Variants in PTPRN2 observed in about 807,000 individuals in gnomAD.
PTPRN2 encodes protein tyrosine phosphatase receptor type N2.
A neutral mutation model predicts 118.8 loss-of-function variants in PTPRN2; 74 were observed. That is an observed-to-expected ratio of 0.62 (90% confidence interval 0.52 to 0.76). The LOEUF (loss-of-function observed/expected upper bound fraction) is 0.76. Ranked by LOEUF, PTPRN2 falls within the 30% of genes least tolerant of loss-of-function variation. The pLI, the probability that PTPRN2 is intolerant of heterozygous loss-of-function variation, is 0.00. For missense variants in PTPRN2, 1,481 were observed against 1,394.4 expected (o/e 1.06, Z -0.99); for synonymous variants, 641 against 608.0 (o/e 1.05, Z -0.80).
At chr7:157,543,354 C>T (rs945626433) in intron 22 of PTPRN2, among the ~76,000 whole-genome samples, 6 of 152,260 alleles carry the variant, frequency 3.9e-5, no homozygotes, top group East Asian at 3.8e-4. Flanking sequence ...GAACTGCACC[C>T]GGTGGAGAAG....
intron 2 of PTPRN2, among the ~76,000 whole-genome samples, chr7:158,426,013 A>T (rs867331104): frequency 0.017 from 251 of 14,804 alleles, 1 homozygote; most frequent in East Asian, 0.033. Flanking sequence ...AAAGACGCAG[A>T]GTCCGAGACC....
At chr7:157,997,629 G>T (rs962283778) in intron 11 of PTPRN2, among the ~76,000 whole-genome samples, 1 of 151,850 alleles carries the variant, frequency 6.6e-6, no homozygotes, top group East Asian at 2.0e-4. Flanking sequence ...AGATAAACGT[G>T]GGGGGAGGCA....
In PTPRN2 at chr7:157,739,853, T is replaced by C. The variant is rs546269690; in HGVS notation, c.1789-56916A>G. Among the ~76,000 whole-genome samples the C allele has an allele frequency of 2.4e-4, 37 of 152,342 alleles. No homozygotes were observed. The South Asian group carries it at 7.7e-3, about 32-fold the overall frequency. Reference sequence around the variant, plus strand: ...GTGACCGCAAGGAGGCCTGAGCTCCTGGGCCGCTCATTCCACCCCCTCTGC... The same window carrying C: ...GTGACCGCAAGGAGGCCTGAGCTCCCGGGCCGCTCATTCCACCCCCTCTGC... On this transcript the variant is annotated intron_variant, in intron 12 of 22. Transcript: ENST00000389418.
intron 11 of PTPRN2, among the ~76,000 whole-genome samples, chr7:157,938,934 A>C (rs1487887620): frequency 6.6e-6 from 1 of 152,156 alleles, no homozygotes; most frequent in Non-Finnish European, 1.5e-5. Flanking sequence ...CTTTGGGAGC[A>C]TCAGAGCAAA....
chr7:157,998,080 G>C lies in PTPRN2; in HGVS notation c.1723+83218C>G, dbSNP rs556926421. On this transcript the variant is annotated intron_variant, in intron 11 of 22. Transcript: ENST00000389418. ...AGGAGTGCAGGGTGGGGGGAGAGGAGTGCAGGGGAGAGGAGTACAGGGCGA... is the reference window on the plus strand; with the variant it reads ...AGGAGTGCAGGGTGGGGGGAGAGGACTGCAGGGGAGAGGAGTACAGGGCGA... Among the ~76,000 whole-genome samples, 91 of 127,670 alleles carry C rather than the reference G, an allele frequency of 7.1e-4. 1 individual carries two copies. Among genetic ancestry groups the C allele is most frequent in the African/African-American group, 2.7e-3 (85 of 31,748 alleles). The allele number at this position is 127,670 out of a possible 152,430, so 83.8% of individuals were successfully genotyped here.
intron 6 of PTPRN2, among the ~76,000 whole-genome samples, chr7:158,154,005 A>C (rs1469836793): frequency 1.3e-5 from 2 of 152,182 alleles, no homozygotes; most frequent in Non-Finnish European, 2.9e-5. Context: ...TGTAGGAACC[A>C]TGGGAGGGTT....
intron 14 of PTPRN2, among the ~76,000 whole-genome samples, chr7:157,636,471 C>T (rs956101388): frequency 6.6e-6 from 1 of 152,174 alleles, no homozygotes; most frequent in Non-Finnish European, 1.5e-5. Context: ...GCAGCTACTT[C>T]GATTAAAACA....
At position 157,982,729 on chromosome 7, in the gene PTPRN2, A is replaced by G. The variant is rs183705260; in HGVS notation, c.1724-83992T>C. Among the ~76,000 whole-genome samples the G allele has an allele frequency of 3.8e-3, 468 of 121,574 alleles. 7 individuals are homozygous for G. Among genetic ancestry groups the G allele is most frequent in the South Asian group, 0.037 (107 of 2,898 alleles). 79.8% of individuals were successfully genotyped at this position (121,574 alleles called of 152,430 possible). A position where few individuals can be genotyped will look rare whatever the true frequency, so the allele number is the denominator to read the frequency against. On this transcript the variant is annotated intron_variant, in intron 11 of 22. Transcript: ENST00000389418. ...GTACCGGGTTCCCCCCTAAACCCCG[A>G]GTCACAGAGACGAGGAGGGGAATGC... is the stretch of plus-strand genomic sequence containing the variant.
intron 12 of PTPRN2, among the ~76,000 whole-genome samples, chr7:157,723,445 T>C (rs930802739): frequency 1.3e-5 from 2 of 152,184 alleles, no homozygotes; most frequent in East Asian, 1.9e-4. Context: ...CCAAACCAGC[T>C]CCACACTGTG....
chr7:158,445,260 G>A (rs546817082), intron 2 of PTPRN2, among the ~76,000 whole-genome samples: 17 of 152,236 alleles, frequency 1.1e-4, no homozygotes, highest in Admixed American at 7.8e-4. Flanking sequence ...TGGCTGACTC[G>A]GCCCTGAGCT....
rs1235654389 is a variant in PTPRN2 at position 157,903,820 on chromosome 7, G to A, written c.1724-5083C>T. Among the ~76,000 whole-genome samples, 6 of 152,132 alleles carry A rather than the reference G, an allele frequency of 3.9e-5. No individual in the cohort carries two copies. The highest frequency in any genetic ancestry group is 5.9e-5 in the Non-Finnish European group (4 of 68,032). On this transcript the variant is annotated intron_variant, in intron 11 of 22. Transcript: ENST00000389418. The surrounding 1 kb of genome is among the most constrained non-coding windows in gnomAD (Gnocchi z 4.2). ...CCACACACCAAGTGCCGGCGCAAGC[G>A]CTTCCCACACTTCAATCCGTCTCCC...
At chr7:157,570,152 C>T (rs903518606) in intron 20 of PTPRN2, among the ~76,000 whole-genome samples, 17 of 152,266 alleles carry the variant, frequency 1.1e-4, no homozygotes, top group African/African-American at 3.9e-4. Flanking sequence ...GAGAGGCGGT[C>T]GGCCTGGGCC....
At chr7:158,050,276 C>T (rs1229733782) in intron 11 of PTPRN2, among the ~76,000 whole-genome samples, 1 of 152,154 alleles carries the variant, frequency 6.6e-6, no homozygotes, top group Non-Finnish European at 1.5e-5. Context: ...TATATTTTTA[C>T]CTTCTGTTAG....
chr7:157,586,744 T>A (rs1010063321), intron 17 of PTPRN2, among the ~76,000 whole-genome samples: 1 of 151,740 alleles, frequency 6.6e-6, no homozygotes. Flanking sequence ...CTGTCCTGGA[T>A]GCTCAGGGTC....
intron 12 of PTPRN2, among the ~76,000 whole-genome samples, chr7:157,713,419 G>A (rs182374821): frequency 6.6e-6 from 1 of 152,150 alleles, no homozygotes; most frequent in East Asian, 1.9e-4. Flanking sequence ...AATAGTGTAC[G>A]TAGGTAGAAA....
chr7:157,772,368 C>CAT (rs1802930341), intron 12 of PTPRN2, among the ~76,000 whole-genome samples: 1 of 151,948 alleles, frequency 6.6e-6, no homozygotes, highest in East Asian at 1.9e-4. Flanking sequence ...TACACACAGA[C>CAT]ACAGACACAC....
At chr7:157,669,469 C>T in intron 13 of PTPRN2, 1 of 462,800 alleles carries the variant, frequency 2.2e-6, no homozygotes, top group Non-Finnish European at 4.3e-6. Flanking sequence ...GACAGCAGCG[C>T]CCAAGCCAGG....
chr7:158,551,573 A>C (rs539293834), intron 1 of PTPRN2, among the ~76,000 whole-genome samples: 95 of 96,864 alleles, frequency 9.8e-4, no homozygotes, highest in South Asian at 5.9e-3. Context: ...CTAACCCATC[A>C]CATCAGGGGT....
intron 2 of PTPRN2, among the ~76,000 whole-genome samples, chr7:158,336,200 A>C (rs62480957): frequency 0.013 from 259 of 19,888 alleles, no homozygotes; most frequent in East Asian, 0.015. Context: ...CACACCCACA[A>C]TCTCACCATA....
Sources: gnomAD v4.1 joint callset for allele counts (sites outside exome capture counted in the v4.1 genomes callset) on GRCh38, gnomAD v4.1.1 for gene constraint, Gnocchi (gnomAD v3.1) non-coding constraint, MANE v1.5 for transcripts, NCBI Gene and HGNC (gene_info 2026-07-23, HGNC 2026-07-21) for gene names.